The following NUP93 variants were observed in gnomAD, a reference collection of about 807,000 sequenced individuals.
NUP93 encodes the protein nuclear pore complex protein Nup93.
A neutral mutation model predicts 107.8 loss-of-function variants in NUP93; 55 were observed. That is an observed-to-expected ratio of 0.51 (90% CI 0.41 to 0.64). The LOEUF (loss-of-function observed/expected upper bound fraction) is 0.64, where lower values mean the gene tolerates loss of function less well. NUP93 is among the 30% of genes least tolerant of loss of function. The pLI is 0.00. For synonymous variants in NUP93, 390 were observed against 397.5 expected (o/e 0.98, Z 0.22); for missense variants, 937 against 1,044.7 (o/e 0.90, Z 1.42).
Position 56,836,679 on chromosome 16 carries a change from C to T in NUP93, c.1861C>T (p.Leu621=). The part of the protein sequence containing the change: ...KVASVAENKG[L]FEEAAKLYDL... ...TGCTTCTGTGGCAGAAAATAAAGGA[C>T]TGTTTGAAGAGGCAGCAAAGCTGTA... Residue 621 remains leucine (L), a synonymous_variant, in exon 17 of 22, where the codon CTG becomes TTG. Transcript: ENST00000308159. 1 of 1,613,990 alleles carries T rather than the reference C, an allele frequency of 6.2e-7. No homozygotes were observed. The highest frequency in any genetic ancestry group is 1.1e-5 in the South Asian group (1 of 91,072).
intron 3 of NUP93, among the ~76,000 whole-genome samples, chr16:56,790,653 C>G (rs1962740592): frequency 6.6e-6 from 1 of 152,132 alleles, no homozygotes; most frequent in African/African-American, 2.4e-5. Flanking sequence ...CAGAAATTGG[C>G]AAGAAGGTTT....
chr16:56,736,779 C>T (rs1961621551), intron 1 of NUP93, among the ~76,000 whole-genome samples: 1 of 152,128 alleles, frequency 6.6e-6, no homozygotes, highest in African/African-American at 2.4e-5. Context: ...GCCATTGAGT[C>T]TTCAAGGGCA....
intron 9 of NUP93, 24 bp from the exon 10 acceptor site, chr16:56,830,504 A>G: frequency 6.5e-7 from 1 of 1,534,856 alleles, no homozygotes; most frequent in Admixed American, 1.9e-5. Flanking sequence ...GTTTATTTTG[A>G]GCACTTAACT....
Position 56,829,041 on chromosome 16 carries a change from C to T in NUP93, c.859C>T (p.Pro287Ser), listed in dbSNP as rs1016983523. 2 of 1,613,352 alleles carry T rather than the reference C, an allele frequency of 1.2e-6. No homozygotes were observed. The highest frequency in any genetic ancestry group is 1.7e-5 in the Admixed American group (1 of 59,824). The change falls in exon 9 of 22, where the codon CCT (proline) becomes TCT (serine). Residue 287 changes from proline (P) to serine (S), a missense_variant. Transcript: ENST00000308159. The stretch of plus-strand genomic sequence containing the variant: ...GCATCAGGCCCAGCTGGGCGGGGTG[C>T]CTGGGACTTACCAATTGGTTCGAAG... The part of the protein sequence containing the change: ...NLHQAQLGGV[P>S]GTYQLVRSFL...
chr16:56,839,858 C>T, intron 20 of NUP93: 1 of 455,540 alleles, frequency 2.2e-6, no homozygotes, highest in Non-Finnish European at 4.0e-6. Context: ...TTGGGAGAAA[C>T]AGGTTTCTGG....
chr16:56,782,350 T>A, intron 3 of NUP93: 1 of 277,528 alleles, frequency 3.6e-6, no homozygotes, highest in Non-Finnish European at 5.5e-6. Context: ...TGGAAGCAGT[T>A]AACTCATTTG....
At position 56,815,302 on chromosome 16, in the gene NUP93, G is replaced by A. The variant is rs888467008; in HGVS notation, c.490-3362G>A. Among the ~76,000 whole-genome samples the A allele has an allele frequency of 4.8e-4, 73 of 152,138 alleles. 1 individual carries two copies. The highest frequency in any genetic ancestry group is 5.2e-4 in the Admixed American group (8 of 15,276). On this transcript the variant is annotated intron_variant, in intron 5 of 21. Coordinates refer to ENST00000308159, the MANE Select transcript of NUP93 (RefSeq NM_014669.5). ...TAGTGCTGTGTCCTGTAAAAAGACT[G>A]TGGAATCTCCAGCTTTTGGATAGCT...
chr16:56,811,808 G>A (rs945106082), intron 5 of NUP93, among the ~76,000 whole-genome samples: 1 of 152,152 alleles, frequency 6.6e-6, no homozygotes, highest in Non-Finnish European at 1.5e-5. Flanking sequence ...GTTACGTAAG[G>A]AATGTAGACT....
intron 4 of NUP93, among the ~76,000 whole-genome samples, chr16:56,804,106 G>T (rs1963080893): frequency 6.6e-6 from 1 of 152,120 alleles, no homozygotes; most frequent in Admixed American, 6.5e-5. Context: ...AAACCCTTGT[G>T]CACTGCAGGT....
chr16:56,817,571 T>G (rs1963459108), intron 5 of NUP93, among the ~76,000 whole-genome samples: 1 of 152,246 alleles, frequency 6.6e-6, no homozygotes, highest in South Asian at 2.1e-4. Context: ...CAGTGGGAAC[T>G]TAAGAATTTA....
intron 4 of NUP93, among the ~76,000 whole-genome samples, chr16:56,804,895 A>C (rs1440571051): frequency 7.3e-5 from 11 of 151,384 alleles, no homozygotes; most frequent in African/African-American, 2.7e-4. Context: ...GACAGAGTGA[A>C]ACTCTGTCTC....
Position 56,836,594 on chromosome 16 carries a change from T to A in NUP93, c.1783-7T>A. On this transcript the variant is annotated splice_polypyrimidine_tract_variant and splice_region_variant and intron_variant, in intron 16 of 21. Coordinates refer to ENST00000308159, the MANE Select transcript of NUP93 (RefSeq NM_014669.5). The stretch of plus-strand genomic sequence containing the variant: ...TCTTCCTCCCCCTCCATAATTTGTC[T>A]TGTCAGCCTGGAGTCATAGATAAGT... The A allele has an allele frequency of 6.4e-7, 1 of 1,565,318 alleles. No homozygotes were observed. Among genetic ancestry groups the A allele is most frequent in the Non-Finnish European group, 8.8e-7 (1 of 1,136,728 alleles).
intron 1 of NUP93, among the ~76,000 whole-genome samples, chr16:56,745,000 C>G (rs1961798080): frequency 6.6e-6 from 1 of 152,188 alleles, no homozygotes; most frequent in Admixed American, 6.5e-5. Flanking sequence ...ATGTGCCAGG[C>G]ACTGTTGTAG....
intron 9 of NUP93, among the ~76,000 whole-genome samples, chr16:56,829,879 G>A (rs1477674392): frequency 2.6e-5 from 4 of 152,216 alleles, no homozygotes; most frequent in Non-Finnish European, 5.9e-5. Context: ...GGGTGGAAGT[G>A]CCAAGATAGG....
chr16:56,741,588 GTTA>G (rs1162767582), intron 1 of NUP93, among the ~76,000 whole-genome samples: 10 of 151,886 alleles, frequency 6.6e-5, no homozygotes, highest in Admixed American at 5.2e-4. Context: ...TTATTTTACT[GTTA>G]TTATTTAAAA....
At chr16:56,737,679 T>C (rs556923702) in intron 1 of NUP93, among the ~76,000 whole-genome samples, 1 of 152,310 alleles carries the variant, frequency 6.6e-6, no homozygotes, top group South Asian at 2.1e-4. Context: ...GTCTGTGAAA[T>C]TCATCCATGT....
rs375273499 is a variant in NUP93 at position 56,808,266 on chromosome 16, T to C, written c.489+2634T>C. Among the ~76,000 whole-genome samples the C allele has an allele frequency of 1.0e-3, 77 of 74,620 alleles. 2 individuals are homozygous for C. The highest frequency in any genetic ancestry group is 4.1e-3 in the African/African-American group (62 of 15,086). 49.0% of individuals were successfully genotyped at this position (74,620 alleles called of 152,430 possible). A position where few individuals can be genotyped will look rare whatever the true frequency, so the allele number is the denominator to read the frequency against. ...TGTAACTATATAAAATATATAGTTA[T>C]GTAACTATATAAAATATATAGTTAT... On this transcript the variant is annotated intron_variant, in intron 5 of 21. Transcript: ENST00000308159.
intron 3 of NUP93, among the ~76,000 whole-genome samples, chr16:56,776,322 AT>A (rs1447577880): frequency 6.6e-6 from 1 of 152,166 alleles, no homozygotes; most frequent in Non-Finnish European, 1.5e-5. Context: ...TCTTACCAGT[AT>A]CTGGCCATAT....
chr16:56,837,731 G>T lies in NUP93; in HGVS notation c.2018+5G>T. 6.2e-7 allele frequency: 1 copy of T among 1,610,872 alleles called. No individual in the cohort carries two copies. Among genetic ancestry groups the T allele is most frequent in the South Asian group, 1.1e-5 (1 of 90,900 alleles). ...GGCACTCTCCATTGCCGAACGGTAA[G>T]CCAGGAGCTGGCTCCATGGGACCCT... On this transcript the variant is annotated splice_donor_5th_base_variant and intron_variant, in intron 18 of 21. Coordinates refer to ENST00000308159, the MANE Select transcript of NUP93 (RefSeq NM_014669.5).
Sources: allele counts gnomAD v4.1 joint callset (sites outside exome capture counted in the v4.1 genomes callset), GRCh38; gene constraint gnomAD v4.1.1; transcripts MANE v1.5; gene names NCBI Gene and HGNC (gene_info 2026-07-23, HGNC 2026-07-21).